The following MAP3K20 variants were observed in gnomAD, a reference collection of about 807,000 sequenced individuals.
The protein encoded by MAP3K20 is mitogen-activated protein kinase kinase kinase 20.
MAP3K20 carries 40 observed loss-of-function variants against 85.7 expected under a neutral mutation model. The ratio of observed to expected loss-of-function variants is 0.47; its 90% CI spans 0.36 to 0.61. MAP3K20 has a LOEUF of 0.61. Ranked by LOEUF, MAP3K20 falls within the 20% of genes least tolerant of loss-of-function variation. MAP3K20 has a pLI of 0.00. For missense variants in MAP3K20, 817 were observed against 961.7 expected (o/e 0.85, Z 1.99); for synonymous variants, 325 against 327.7 (o/e 0.99, Z 0.09).
At chr2:173,111,988 G>A (rs1178900540) in intron 2 of MAP3K20, among the ~76,000 whole-genome samples, 1 of 152,136 alleles carries the variant, frequency 6.6e-6, no homozygotes, top group African/African-American at 2.4e-5. Context: ...CATTGAATTT[G>A]TAGATTGCTT....
intron 2 of MAP3K20, among the ~76,000 whole-genome samples, chr2:173,106,955 CTG>C (rs1687799397): frequency 6.6e-6 from 1 of 152,022 alleles, no homozygotes; most frequent in Non-Finnish European, 1.5e-5. Context: ...AAGGACTAGA[CTG>C]TTGCAGGGGA....
chr2:173,222,603 G>A, intron 11 of MAP3K20: 1 of 985,392 alleles, frequency 1.0e-6, no homozygotes, highest in Non-Finnish European at 1.2e-6. Flanking sequence ...GTTTTTTAGA[G>A]GGGCATAATA....
rs180994128 is a variant in MAP3K20 at position 173,175,854 on chromosome 2, T to C, written c.247+5962T>C. Among the ~76,000 whole-genome samples the C allele has an allele frequency of 3.9e-5, 6 of 152,266 alleles. No homozygotes were observed. In the East Asian group the frequency reaches 1.2e-3, roughly 29 times the overall value. On this transcript the variant is annotated intron_variant, in intron 3 of 19. Coordinates refer to ENST00000375213, the MANE Select transcript of MAP3K20 (RefSeq NM_016653.3). ...GACTGAGAGAATCTTCAAGTGACCATGTCATTGTTTTCTTGCTGTCTTGTC... is the reference window on the plus strand; with the variant it reads ...GACTGAGAGAATCTTCAAGTGACCACGTCATTGTTTTCTTGCTGTCTTGTC...
chr2:173,124,492 A>T (rs1190377618), intron 2 of MAP3K20, among the ~76,000 whole-genome samples: 1 of 152,102 alleles, frequency 6.6e-6, no homozygotes, highest in Non-Finnish European at 1.5e-5. Flanking sequence ...TTGGGGTTCC[A>T]TGGGTGGGAG....
At chr2:173,256,522 T>TAGACAGACAGACAGAC (rs1230285380) in intron 16 of MAP3K20, among the ~76,000 whole-genome samples, 105 of 76,352 alleles carry the variant, frequency 1.4e-3, no homozygotes, top group East Asian at 3.8e-3. Flanking sequence ...GATAGATAGA[T>TAGACAGACAGACAGAC]AGATAGATAG....
intron 8 of MAP3K20, among the ~76,000 whole-genome samples, chr2:173,200,286 C>T (rs769128649): frequency 1.3e-5 from 2 of 152,106 alleles, no homozygotes; most frequent in Non-Finnish European, 2.9e-5. Flanking sequence ...TATCCATTTC[C>T]AAAATAAATT....
intron 2 of MAP3K20, among the ~76,000 whole-genome samples, chr2:173,100,228 A>G (rs1244118950): frequency 2.6e-5 from 4 of 152,232 alleles, no homozygotes; most frequent in African/African-American, 9.6e-5. Flanking sequence ...TCATCACTCT[A>G]CCAAGTACTG....
intron 1 of MAP3K20, among the ~76,000 whole-genome samples, chr2:173,087,130 C>T (rs141265543): frequency 6.6e-6 from 1 of 152,264 alleles, no homozygotes; most frequent in African/African-American, 2.4e-5. Flanking sequence ...GTGTACTTGG[C>T]TGTGTAGTAG....
At chr2:173,169,919 C>A (rs1689950438) in intron 3 of MAP3K20, 27 bp downstream of exon 3, 1 of 1,596,936 alleles carries the variant, frequency 6.3e-7, no homozygotes, top group Non-Finnish European at 8.6e-7. Context: ...TGACTTCTTT[C>A]TTTTTCCAAT....
At position 173,108,321 on chromosome 2, in the gene MAP3K20, G is replaced by A. The variant is rs1289561117; in HGVS notation, c.159+17131G>A. ...CTAATTTTGTATTTTTAGTAGAGAT[G>A]GGTTTCTCCATGTTGGTCAGGCTGG... On this transcript the variant is annotated intron_variant, in intron 2 of 19. Transcript: ENST00000375213. 2.0e-5 allele frequency among the ~76,000 whole-genome samples: 3 copies of A among 152,050 alleles called. No homozygotes were observed. The East Asian group carries it at 5.8e-4, about 29-fold the overall frequency.
At chr2:173,217,457 G>C (rs550177129) in intron 11 of MAP3K20, among the ~76,000 whole-genome samples, 30 of 152,212 alleles carry the variant, frequency 2.0e-4, no homozygotes, top group Non-Finnish European at 4.0e-4. Flanking sequence ...TAAAAGAAAA[G>C]CTTATCCTAT....
chr2:173,141,041 A>G (rs2106213489), intron 2 of MAP3K20, among the ~76,000 whole-genome samples: 1 of 152,344 alleles, frequency 6.6e-6, no homozygotes, highest in South Asian at 2.1e-4. Context: ...ATATCATAAA[A>G]ACGTGTCCCA....
chr2:173,243,617 G>GT (rs370281280), intron 16 of MAP3K20, among the ~76,000 whole-genome samples: 1 of 152,028 alleles, frequency 6.6e-6, no homozygotes, highest in African/African-American at 2.4e-5. Context: ...TCAGATTTAT[G>GT]TTTTTTTGTT....
At chr2:173,148,145 C>A (rs1689188604) in intron 2 of MAP3K20, among the ~76,000 whole-genome samples, 1 of 152,118 alleles carries the variant, frequency 6.6e-6, no homozygotes, top group African/African-American at 2.4e-5. Context: ...GTTTCTTATG[C>A]CTCTACCCAA....
intron 9 of MAP3K20, among the ~76,000 whole-genome samples, chr2:173,205,020 A>G (rs1321064657): frequency 1.3e-5 from 2 of 150,774 alleles, no homozygotes; most frequent in Non-Finnish European, 3.0e-5. Context: ...GGAGAATGGC[A>G]TGAACCCGGG....
At position 173,075,970 on chromosome 2, in the gene MAP3K20, C is replaced by G. The variant is rs1686836774; in HGVS notation, c.-67C>G. On this transcript the variant is annotated 5_prime_UTR_variant, in exon 1 of 20. Transcript: ENST00000375213. ...CGTCGCGCGCGGGGCCTCCGCGCCC[C>G]CGGCTGCTGCTCACGCCCCGCCCGG... 1 of 985,048 alleles carries G rather than the reference C, an allele frequency of 1.0e-6. No homozygotes were observed. Among genetic ancestry groups the G allele is most frequent in the Non-Finnish European group, 1.2e-6 (1 of 829,840 alleles). 61.0% of individuals were successfully genotyped at this position (985,048 alleles called of 1,614,324 possible).
At chr2:173,157,141 C>T (rs990674216) in intron 2 of MAP3K20, among the ~76,000 whole-genome samples, 19 of 152,032 alleles carry the variant, frequency 1.2e-4, no homozygotes, top group Non-Finnish European at 2.5e-4. Flanking sequence ...CAAATGGAGG[C>T]GATCTGTTCA....
At position 173,229,581 on chromosome 2, in the gene MAP3K20, C is replaced by T. The variant is rs1398675807; in HGVS notation, c.988-108C>T. On this transcript the variant is annotated intron_variant, in intron 11 of 19. Coordinates refer to ENST00000375213, the MANE Select transcript of MAP3K20 (RefSeq NM_016653.3). ...ATTCAACCCAACCTGCAGGAGGAAC[C>T]AAGCCAGAGCAGCAGCTGAGAGCTG... 3 of 1,484,496 alleles carry T rather than the reference C, an allele frequency of 2.0e-6. No homozygotes were observed. The African/African-American group carries it at 4.2e-5, about 21-fold the overall frequency. 92.0% of individuals were successfully genotyped at this position (1,484,496 alleles called of 1,614,324 possible). A position where few individuals can be genotyped will look rare whatever the true frequency, so the allele number is the denominator to read the frequency against.
At chr2:173,231,787 A>G (rs1262038708) in intron 12 of MAP3K20, among the ~76,000 whole-genome samples, 1 of 152,230 alleles carries the variant, frequency 6.6e-6, no homozygotes, top group Admixed American at 6.5e-5. Context: ...CTGGCCTAGA[A>G]CAAAAGATTC....
Sources: allele counts gnomAD v4.1 joint callset (sites outside exome capture counted in the v4.1 genomes callset), GRCh38; gene constraint gnomAD v4.1.1; transcripts MANE v1.5; gene names NCBI Gene and HGNC (gene_info 2026-07-23, HGNC 2026-07-21).